The following SLC35F4 variants were observed in gnomAD, a reference collection of about 807,000 sequenced individuals.
The protein encoded by SLC35F4 is chromosome 14 open reading frame 36.
A neutral mutation model predicts 44.2 loss-of-function variants in SLC35F4; 24 were observed. The ratio of observed to expected loss-of-function variants is 0.54; its 90% confidence interval spans 0.39 to 0.76. SLC35F4 has a LOEUF of 0.76. Ranked by LOEUF, SLC35F4 falls within the 30% of genes least tolerant of loss-of-function variation. The pLI, the probability that SLC35F4 is intolerant of heterozygous loss-of-function variation, is 0.00. For synonymous variants in SLC35F4, 238 were observed against 223.6 expected (o/e 1.06, Z -0.57); for missense variants, 562 against 586.1 (o/e 0.96, Z 0.42).
At chr14:57,845,440 G>A (rs1025580416) in intron 1 of SLC35F4, among the ~76,000 whole-genome samples, 1 of 152,208 alleles carries the variant, frequency 6.6e-6, no homozygotes, top group African/African-American at 2.4e-5. Context: ...GTCGGAGAGA[G>A]GTTGTAGCAT....
At chr14:57,905,131 C>T (rs567741391) in intron 1 of SLC35F4, among the ~76,000 whole-genome samples, 2 of 152,150 alleles carry the variant, frequency 1.3e-5, no homozygotes, top group African/African-American at 4.8e-5. Context: ...TGGAAGTTTA[C>T]CAATCTGAAT....
chr14:57,841,877 T>C (rs1885523363), intron 1 of SLC35F4, among the ~76,000 whole-genome samples: 1 of 152,186 alleles, frequency 6.6e-6, no homozygotes, highest in Non-Finnish European at 1.5e-5. Flanking sequence ...ACTTAAAATT[T>C]TTTATGTGCT....
chr14:57,565,252 G>A (rs1041458019), intron 7 of SLC35F4, among the ~76,000 whole-genome samples: 2 of 152,136 alleles, frequency 1.3e-5, no homozygotes, highest in Non-Finnish European at 2.9e-5. Context: ...ACACTCAGGA[G>A]TGGAGTTGTT....
Position 57,765,226 on chromosome 14 carries a change from G to C in SLC35F4, c.103+100497C>G, listed in dbSNP as rs199735094. Among the ~76,000 whole-genome samples, 9 of 152,356 alleles carry C rather than the reference G, an allele frequency of 5.9e-5. No individual in the cohort carries two copies. The East Asian group carries it at 1.2e-3, about 20-fold the overall frequency. ...TATTGTAATCTGATGTCTTTGAAAG[G>C]CTAAAGGGCAAGATGTAGATAGGAG... On this transcript the variant is annotated intron_variant, in intron 1 of 7. Transcript: ENST00000556826.
chr14:57,575,166 C>T (rs1325297919), intron 4 of SLC35F4, among the ~76,000 whole-genome samples: 1 of 152,086 alleles, frequency 6.6e-6, no homozygotes. Context: ...TCTTAACCAA[C>T]CAGAAGTGTC....
intron 1 of SLC35F4, among the ~76,000 whole-genome samples, chr14:57,944,931 A>G (rs893401871): frequency 6.6e-6 from 1 of 152,154 alleles, no homozygotes; most frequent in South Asian, 2.1e-4. Context: ...CACACAAAAA[A>G]TACTCCTGTA....
intron 1 of SLC35F4, among the ~76,000 whole-genome samples, chr14:57,877,976 T>C (rs1249578562): frequency 1.3e-5 from 2 of 152,056 alleles, no homozygotes; most frequent in South Asian, 2.1e-4. Context: ...TGAGGCACCA[T>C]GCCCAGCCAT....
intron 1 of SLC35F4, among the ~76,000 whole-genome samples, chr14:57,956,785 G>A (rs976770689): frequency 1.3e-5 from 2 of 152,152 alleles, no homozygotes; most frequent in Non-Finnish European, 2.9e-5. Flanking sequence ...TAAAAGTCAG[G>A]AAACAACAGA....
intron 1 of SLC35F4, among the ~76,000 whole-genome samples, chr14:57,716,011 G>A (rs188987587): frequency 6.0e-4 from 91 of 152,186 alleles, no homozygotes; most frequent in African/African-American, 2.1e-3. Flanking sequence ...GAAGAGTGGT[G>A]ATCAGACAGC....
At position 57,624,390 on chromosome 14, in the gene SLC35F4, A is replaced by G. The variant is rs549033434; in HGVS notation, c.104-30266T>C. Among the ~76,000 whole-genome samples, 12 of 152,348 alleles carry G rather than the reference A, an allele frequency of 7.9e-5. No homozygotes were observed. The East Asian group carries it at 1.7e-3, about 22-fold the overall frequency. Reference sequence around the variant, plus strand: ...AGAGGTACAAAGAGGAGCTGGTACCATTCCTTCTGAAACTATTCCAAACAA... The same window carrying G: ...AGAGGTACAAAGAGGAGCTGGTACCGTTCCTTCTGAAACTATTCCAAACAA... On this transcript the variant is annotated intron_variant, in intron 1 of 7. Coordinates refer to ENST00000556826, the MANE Select transcript of SLC35F4 (RefSeq NM_001306087.2).
chr14:57,935,785 G>A (rs1176224849), intron 1 of SLC35F4, among the ~76,000 whole-genome samples: 3 of 152,124 alleles, frequency 2.0e-5, no homozygotes, highest in Admixed American at 2.0e-4. Context: ...CACAATAATT[G>A]CTAATTTATT....
At chr14:57,723,983 C>T (rs1167394596) in intron 1 of SLC35F4, among the ~76,000 whole-genome samples, 2 of 152,220 alleles carry the variant, frequency 1.3e-5, no homozygotes, top group African/African-American at 4.8e-5. Flanking sequence ...TGGGGCCTGT[C>T]GAGATATTTC....
chr14:57,915,623 A>C (rs1354341126), intron 1 of SLC35F4, among the ~76,000 whole-genome samples: 2 of 152,106 alleles, frequency 1.3e-5, no homozygotes. Flanking sequence ...CCTTCCATAA[A>C]GCCCCTGGGC....
intron 1 of SLC35F4, among the ~76,000 whole-genome samples, chr14:57,613,160 GT>G (rs1243164481): frequency 6.6e-6 from 1 of 152,182 alleles, no homozygotes; most frequent in Non-Finnish European, 1.5e-5. Flanking sequence ...TTGGGAAGCT[GT>G]CTGAGTTTCC....
chr14:57,898,199 T>C (rs1255343235), intron 1 of SLC35F4, among the ~76,000 whole-genome samples: 1 of 152,214 alleles, frequency 6.6e-6, no homozygotes, highest in Non-Finnish European at 1.5e-5. Flanking sequence ...TTTGCTAGAC[T>C]AACAAGGTGG....
intron 3 of SLC35F4, among the ~76,000 whole-genome samples, chr14:57,585,838 G>A (rs114856559): frequency 0.013 from 2,017 of 152,212 alleles, 44 homozygotes; most frequent in African/African-American, 0.046. Flanking sequence ...ACACAAACGG[G>A]TGGGAAAATA....
At chr14:57,863,275 T>C (rs1887835304) in intron 1 of SLC35F4, among the ~76,000 whole-genome samples, 1 of 152,234 alleles carries the variant, frequency 6.6e-6, no homozygotes, top group African/African-American at 2.4e-5. Flanking sequence ...AGTACCTTCA[T>C]TTATCTGAAT....
intron 1 of SLC35F4, among the ~76,000 whole-genome samples, chr14:57,701,269 G>T (rs1157193118): frequency 6.6e-6 from 1 of 152,046 alleles, no homozygotes; most frequent in Non-Finnish European, 1.5e-5. Flanking sequence ...CCACTGGAAG[G>T]TTATAAGAGC....
At chr14:57,773,021 T>G (rs1483119293) in intron 1 of SLC35F4, among the ~76,000 whole-genome samples, 2 of 148,122 alleles carry the variant, frequency 1.4e-5, no homozygotes, top group Admixed American at 1.3e-4. Flanking sequence ...ACATCTGTTG[T>G]TTTTTTTGAC....
Sources: allele counts gnomAD v4.1 joint callset (sites outside exome capture counted in the v4.1 genomes callset), GRCh38; gene constraint gnomAD v4.1.1; transcripts MANE v1.5; gene names NCBI Gene and HGNC (gene_info 2026-07-23, HGNC 2026-07-21).